PCDHAC1: variants seen among roughly 807,000 people sequenced by gnomAD.
The protein encoded by PCDHAC1 is protocadherin alpha subfamily C, 1, also known as protocadherin alpha-C1.
In PCDHAC1, 42 loss-of-function variants were observed where a neutral mutation model predicts 60.0. The ratio of observed to expected loss-of-function variants is 0.70; its 90% CI spans 0.55 to 0.90. The LOEUF (loss-of-function observed/expected upper bound fraction) is 0.90, where lower values mean the gene tolerates loss of function less well. Among genes scored for constraint, PCDHAC1 ranks in the 40% least tolerant of loss-of-function variants. The probability of loss-of-function intolerance (pLI) is 0.00; values close to 1 mark genes in which losing one functional copy is unlikely to be tolerated. For synonymous variants in PCDHAC1, 468 were observed against 499.3 expected (o/e 0.94, Z 0.84); for missense variants, 1,160 against 1,222.3 (o/e 0.95, Z 0.76).
At chr5:140,941,224 T>TTTCTTTC in intron 1 of PCDHAC1, among the ~76,000 whole-genome samples, 1 of 137,372 alleles carries the variant, frequency 7.3e-6, no homozygotes, top group Non-Finnish European at 1.6e-5. Flanking sequence ...CCTTTCTTTC[T>TTTCTTTC]TTCTTTCTTT....
intron 1 of PCDHAC1, chr5:140,966,905 T>C (rs1554228876): frequency 1.9e-6 from 3 of 1,600,790 alleles, no homozygotes; most frequent in Non-Finnish European, 2.5e-6. Flanking sequence ...GCTGCGATAC[T>C]CTGTGCCAGA....
At chr5:140,991,847 G>A (rs1375292594) in intron 3 of PCDHAC1, among the ~76,000 whole-genome samples, 1 of 152,162 alleles carries the variant, frequency 6.6e-6, no homozygotes, top group African/African-American at 2.4e-5. Flanking sequence ...CGCACTTCCA[G>A]ATACCAAAAT....
intron 3 of PCDHAC1, 24 bp from the exon 4 acceptor site, chr5:141,009,603 G>A (rs1554262223): frequency 1.2e-6 from 2 of 1,608,568 alleles, no homozygotes; most frequent in African/African-American, 2.7e-5. Context: ...CCCTGTTAAT[G>A]ATTTGTAATG....
At chr5:140,967,609 C>T (rs1026350659) in intron 1 of PCDHAC1, 26 of 1,614,056 alleles carry the variant, frequency 1.6e-5, no homozygotes, top group Middle Eastern at 1.6e-4. Flanking sequence ...AGCTGAATGC[C>T]TCAGACCCGG....
chr5:140,981,691 T>C (rs1370541525), intron 2 of PCDHAC1, among the ~76,000 whole-genome samples: 1 of 150,826 alleles, frequency 6.6e-6, no homozygotes, highest in East Asian at 2.1e-4. Flanking sequence ...CCTTCCATCA[T>C]TCATTCATTC....
chr5:140,936,640 C>G (rs782162757), intron 1 of PCDHAC1, among the ~76,000 whole-genome samples: 3 of 152,208 alleles, frequency 2.0e-5, no homozygotes, highest in African/African-American at 7.2e-5. Context: ...TCATAAGCAA[C>G]GTGACTTTAT....
intron 1 of PCDHAC1, among the ~76,000 whole-genome samples, chr5:140,977,625 T>A (rs2096768746): frequency 6.6e-6 from 1 of 152,144 alleles, no homozygotes; most frequent in Non-Finnish European, 1.5e-5. Flanking sequence ...ATCCCAGAGT[T>A]GTAACTTTTT....
intron 1 of PCDHAC1, among the ~76,000 whole-genome samples, chr5:140,937,338 C>T (rs1554211545): frequency 1.3e-5 from 2 of 151,992 alleles, no homozygotes; most frequent in Non-Finnish European, 2.9e-5. Flanking sequence ...CGCCCGGCTT[C>T]TTCCATTTAT....
At chr5:140,988,942 G>C (rs1236805502) in intron 3 of PCDHAC1, 1 of 152,180 alleles carries the variant, frequency 6.6e-6, no homozygotes, top group East Asian at 1.9e-4. Context: ...CTCTTAGGCT[G>C]CAGTTTCCTT....
rs1346870417 is a variant in PCDHAC1 at position 140,982,634 on chromosome 5, TC to T, written c.2581+72del. 11 of 1,555,302 alleles carry T rather than the reference TC, an allele frequency of 7.1e-6. No homozygotes were observed. In the Admixed American group the frequency reaches 2.2e-4, roughly 30 times the overall value. ...GATCAGATGACCTACTTTTGTAAGATCAGGAATGTTGATGGCTCTTTTTCTT... is the reference window on the plus strand; with the variant it reads ...GATCAGATGACCTACTTTTGTAAGATAGGAATGTTGATGGCTCTTTTTCTT... On this transcript the variant is annotated intron_variant, in intron 3 of 3. Transcript: ENST00000253807.
At chr5:140,966,845 C>A in intron 1 of PCDHAC1, 1 of 1,570,444 alleles carries the variant, frequency 6.4e-7, no homozygotes, top group Non-Finnish European at 8.6e-7. Flanking sequence ...GCTGCTACTG[C>A]CTCTCCTGCT....
chr5:140,965,678 T>C (rs937496921), intron 1 of PCDHAC1, among the ~76,000 whole-genome samples: 1 of 152,182 alleles, frequency 6.6e-6, no homozygotes, highest in Non-Finnish European at 1.5e-5. Context: ...ATGTAAAAGA[T>C]TTGAAGCAAG....
rs745800805 is a variant in PCDHAC1, at chr5:140,935,890, T to C, written c.2433+6565T>C. 2.5e-4 allele frequency among the ~76,000 whole-genome samples: 34 copies of C among 135,750 alleles called. 1 individual carries two copies. Among genetic ancestry groups the C allele is most frequent in the Non-Finnish European group, 4.4e-4 (27 of 61,954 alleles). 89.1% of individuals were successfully genotyped at this position (135,750 alleles called of 152,430 possible). A position where few individuals can be genotyped will look rare whatever the true frequency, so the allele number is the denominator to read the frequency against. On this transcript the variant is annotated intron_variant, in intron 1 of 3. Coordinates refer to ENST00000253807, the MANE Select transcript of PCDHAC1 (RefSeq NM_018898.5). ...ATTAATGAGCTCCAATTTATCAATA[T>C]TATCTTTTTTTTTTTTTTTTGAGAC...
At position 140,929,122 on chromosome 5, in the gene PCDHAC1, G is replaced by A. The variant is rs782041922; in HGVS notation, c.2230G>A (p.Val744Ile). Residue 744 changes from valine to isoleucine, a missense_variant, in exon 1 of 4, where the codon GTC becomes ATC. Coordinates refer to ENST00000253807, the MANE Select transcript of PCDHAC1 (RefSeq NM_018898.5). Reference protein sequence around the residue: ...NPCMTSATIDVTTVERLSQTY... With the variant: ...NPCMTSATIDITTVERLSQTY... Reference sequence around the variant, plus strand: ...TTGCATGACATCAGCCACCATAGATGTCACTACAGTTGAGAGACTTTCTCA... The same window carrying A: ...TTGCATGACATCAGCCACCATAGATATCACTACAGTTGAGAGACTTTCTCA... 1.5e-5 allele frequency: 24 copies of A among 1,614,096 alleles called. No homozygotes were observed. Among genetic ancestry groups the A allele is most frequent in the Non-Finnish European group, 1.8e-5 (21 of 1,180,052 alleles).
At position 140,927,588 on chromosome 5, in the gene PCDHAC1, A is replaced by G. The variant is rs914756357; in HGVS notation, c.696A>G (p.Val232=). ...IVVDTNDNAP[V]FERSVYRTKV... ...TGGACACAAATGACAACGCGCCTGT[A>G]TTTGAGCGCTCCGTATACCGCACCA... is the stretch of plus-strand genomic sequence containing the variant. The change falls in exon 1 of 4, where the codon GTA becomes GTG. Residue 232 remains valine, a synonymous_variant. Transcript: ENST00000253807. The G allele has an allele frequency of 1.9e-6, 3 of 1,614,210 alleles. No individual in the cohort carries two copies. Among genetic ancestry groups the G allele is most frequent in the East Asian group, 2.2e-5 (1 of 44,866 alleles).
Position 140,966,227 on chromosome 5 carries a change from A to T in PCDHAC1, c.2434-12722A>T, listed in dbSNP as rs556655692. The T allele has an allele frequency of 3.7e-5, 10 of 270,804 alleles. No individual in the cohort carries two copies. The South Asian group carries it at 1.7e-3, about 46-fold the overall frequency. 16.8% of individuals were successfully genotyped at this position (270,804 alleles called of 1,614,324 possible). On this transcript the variant is annotated intron_variant, in intron 1 of 3. Coordinates refer to ENST00000253807, the MANE Select transcript of PCDHAC1 (RefSeq NM_018898.5). ...CTGCTTTTCCCAGACTAATCTCCTT[A>T]AAGACCCGTTAAGCAGGGGAGAGAC...
intron 1 of PCDHAC1, among the ~76,000 whole-genome samples, chr5:140,972,866 G>A (rs1010114234): frequency 6.6e-6 from 1 of 152,046 alleles, no homozygotes; most frequent in Non-Finnish European, 1.5e-5. Context: ...GTTTCATCAT[G>A]TTGTCCAGGA....
rs1159995588 is a variant in PCDHAC1, at chr5:140,947,341, A to G, written c.2433+18016A>G. ...GGTTGACCATAAATGTGTGGGCTTA[A>G]TTCTGGACTCTATTTCACTCCTTTG... is the stretch of plus-strand genomic sequence containing the variant. On this transcript the variant is annotated intron_variant, in intron 1 of 3. Transcript: ENST00000253807. Among the ~76,000 whole-genome samples the G allele has an allele frequency of 2.6e-5, 4 of 151,804 alleles. No individual in the cohort carries two copies. The South Asian group carries it at 6.2e-4, about 24-fold the overall frequency.
chr5:141,011,997 A>G lies in PCDHAC1; in HGVS notation c.*2060A>G, dbSNP rs2098422641. ...TGTCTACTTTTAGCTTCATTCTCCCATATTTTGAAGGGTGTGTAACTTCAG... is the reference window on the plus strand; with the variant it reads ...TGTCTACTTTTAGCTTCATTCTCCCGTATTTTGAAGGGTGTGTAACTTCAG... On this transcript the variant is annotated 3_prime_UTR_variant, in exon 4 of 4. Coordinates refer to ENST00000253807, the MANE Select transcript of PCDHAC1 (RefSeq NM_018898.5). 1 of 153,712 alleles carries G rather than the reference A, an allele frequency of 6.5e-6. No homozygotes were observed. Among genetic ancestry groups the G allele is most frequent in the Non-Finnish European group, 1.5e-5 (1 of 68,034 alleles). 9.5% of individuals were successfully genotyped at this position (153,712 alleles called of 1,614,324 possible).
Sources: allele counts gnomAD v4.1 joint callset (sites outside exome capture counted in the v4.1 genomes callset), GRCh38; gene constraint gnomAD v4.1.1; transcripts MANE v1.5; gene names NCBI Gene and HGNC (gene_info 2026-07-23, HGNC 2026-07-21).